The following NINJ2 variants were observed in gnomAD, a reference collection of about 807,000 sequenced individuals.
NINJ2 encodes the protein ninjurin 2.
Under a neutral mutation model 11.7 loss-of-function variants are expected in NINJ2, and 12 were observed. That is an observed-to-expected ratio of 1.02 (90% CI 0.66 to 1.66). The LOEUF (loss-of-function observed/expected upper bound fraction) is 1.66. Ranked by LOEUF, NINJ2 falls within the 40% of genes most tolerant of loss-of-function variation. The probability of loss-of-function intolerance (pLI) is 0.00; values close to 1 mark genes in which losing one functional copy is unlikely to be tolerated. For synonymous variants in NINJ2, 93 were observed against 76.8 expected, an observed-to-expected ratio of 1.21 and a Z score of -1.10; for missense variants, 187 against 181.8, an observed-to-expected ratio of 1.03 and a Z score of -0.16.
chr12:639,504 T>C (rs1424780724), intron 1 of NINJ2, among the ~76,000 whole-genome samples: 2 of 152,092 alleles, frequency 1.3e-5, no homozygotes, highest in African/African-American at 4.8e-5. Context: ...ATTTTGTGTA[T>C]GCCTCAGTGA....
chr12:613,306 C>T (rs775875979), intron 1 of NINJ2, among the ~76,000 whole-genome samples: 7 of 152,228 alleles, frequency 4.6e-5, no homozygotes, highest in African/African-American at 7.2e-5. Context: ...AATCTCATCA[C>T]GCATTTTAAA....
At chr12:599,448 G>A (rs1016563994) in intron 1 of NINJ2, among the ~76,000 whole-genome samples, 1 of 152,094 alleles carries the variant, frequency 6.6e-6, no homozygotes, top group African/African-American at 2.4e-5. Context: ...CTAAATCTTA[G>A]ACATTTGAGG....
intron 1 of NINJ2, among the ~76,000 whole-genome samples, chr12:609,818 A>G (rs1948004542): frequency 6.7e-6 from 1 of 149,134 alleles, no homozygotes; most frequent in Admixed American, 6.7e-5. Flanking sequence ...GCAATAGGGG[A>G]CTTGTCCCAG....
Position 612,857 on chromosome 12 carries a change from G to A in NINJ2, c.34-46679C>T, listed in dbSNP as rs368733356. On this transcript the variant is annotated intron_variant, in intron 1 of 3. Coordinates refer to ENST00000305108, the MANE Select transcript of NINJ2 (RefSeq NM_016533.6). ...ACCCTTGGCACACCGGGTCCTCTCC[G>A]TCACTGCAATCATAGAAGGTCCTGA... Among the ~76,000 whole-genome samples the A allele has an allele frequency of 1.2e-4, 19 of 152,242 alleles. No individual in the cohort carries two copies. The East Asian group carries it at 2.7e-3, about 22-fold the overall frequency.
intron 1 of NINJ2, among the ~76,000 whole-genome samples, chr12:603,590 TA>T (rs1947900349): frequency 1.3e-5 from 2 of 152,242 alleles, no homozygotes; most frequent in Non-Finnish European, 2.9e-5. Context: ...TGGTATGAGG[TA>T]AGAGTCCAAC....
intron 1 of NINJ2, among the ~76,000 whole-genome samples, chr12:596,049 A>G (rs1640573119): frequency 6.6e-6 from 1 of 152,190 alleles, no homozygotes; most frequent in East Asian, 1.9e-4. Flanking sequence ...ATCCTTGTTC[A>G]TTGCTGGTGG....
At chr12:655,980 G>A (rs1937867257) in intron 1 of NINJ2, among the ~76,000 whole-genome samples, 1 of 151,974 alleles carries the variant, frequency 6.6e-6, no homozygotes, top group South Asian at 2.1e-4. Context: ...CCATGTTTAT[G>A]GATAAGAGGA....
chr12:583,953 C>T (rs1390488994), intron 1 of NINJ2, among the ~76,000 whole-genome samples: 6 of 152,052 alleles, frequency 3.9e-5, no homozygotes, highest in African/African-American at 1.4e-4. Flanking sequence ...TGATAGGGTG[C>T]AGACTAAAAT....
intron 1 of NINJ2, among the ~76,000 whole-genome samples, chr12:596,360 G>A (rs1021044942): frequency 6.6e-6 from 1 of 152,138 alleles, no homozygotes; most frequent in Non-Finnish European, 1.5e-5. Context: ...CTGTGTAAAC[G>A]ATAGATGTTG....
chr12:604,758 G>T (rs1213947753), intron 1 of NINJ2, among the ~76,000 whole-genome samples: 1 of 152,194 alleles, frequency 6.6e-6, no homozygotes, highest in African/African-American at 2.4e-5. Context: ...AGGTAGGGAC[G>T]AGGTACAGAC....
At chr12:641,652 G>C (rs949783475) in intron 1 of NINJ2, among the ~76,000 whole-genome samples, 1 of 151,744 alleles carries the variant, frequency 6.6e-6, no homozygotes, top group African/African-American at 2.4e-5. Context: ...AGACCATCCT[G>C]GCTAACAGGG....
At chr12:601,287 C>A (rs1466729902) in intron 1 of NINJ2, among the ~76,000 whole-genome samples, 1 of 152,230 alleles carries the variant, frequency 6.6e-6, no homozygotes, top group East Asian at 1.9e-4. Context: ...TGGCTCACGC[C>A]TGTAATCCCA....
At chr12:600,750 T>G (rs957248256) in intron 1 of NINJ2, among the ~76,000 whole-genome samples, 1 of 151,154 alleles carries the variant, frequency 6.6e-6, no homozygotes, top group Non-Finnish European at 1.5e-5. Context: ...GGTGTCATCA[T>G]AGCTCACGGC....
rs1201713066 is a variant in NINJ2 at position 640,971 on chromosome 12, G to A, written c.33+22357C>T. 1 of 152,216 alleles carries A rather than the reference G, an allele frequency of 6.6e-6. No individual in the cohort carries two copies. The highest frequency in any genetic ancestry group is 2.4e-5 in the African/African-American group (1 of 41,406). The allele number at this position is 152,216 out of a possible 1,614,324, so 9.4% of individuals were successfully genotyped here. A position where few individuals can be genotyped will look rare whatever the true frequency, so the allele number is the denominator to read the frequency against. ...GAAGGCTGCAACTTAAGAGACTGCGGTTAGAAGTGATCTTCATAAATTGTT... is the reference window on the plus strand; with the variant it reads ...GAAGGCTGCAACTTAAGAGACTGCGATTAGAAGTGATCTTCATAAATTGTT... On this transcript the variant is annotated intron_variant, in intron 1 of 3. Transcript: ENST00000305108. The surrounding 1 kb of genome is among the most constrained non-coding windows in gnomAD (Gnocchi z 4.0).
chr12:632,444 G>A (rs1948295346), intron 1 of NINJ2: 1 of 152,214 alleles, frequency 6.6e-6, no homozygotes, highest in Admixed American at 6.5e-5. Context: ...GCTCCATTCA[G>A]GCCATTCTTC....
chr12:648,094 T>A (rs1265061036), intron 1 of NINJ2, among the ~76,000 whole-genome samples: 1 of 152,156 alleles, frequency 6.6e-6, no homozygotes, highest in African/African-American at 2.4e-5. Flanking sequence ...TTTTTTTGGA[T>A]GGAATTTCAC....
intron 1 of NINJ2, among the ~76,000 whole-genome samples, chr12:613,777 C>T (rs976690367): frequency 9.2e-5 from 14 of 151,956 alleles, no homozygotes; most frequent in South Asian, 6.2e-4. Context: ...TGGTGGCGGG[C>T]GCCTGTAGTC....
intron 1 of NINJ2, among the ~76,000 whole-genome samples, chr12:612,201 G>T (rs1948040570): frequency 6.6e-6 from 1 of 152,174 alleles, no homozygotes; most frequent in Non-Finnish European, 1.5e-5. Flanking sequence ...TGGACTGTCT[G>T]CACGCAGACT....
rs1317036083 is a variant in NINJ2 at position 577,430 on chromosome 12, CATATATATATATAA to C, written c.34-11266_34-11253del. Reference sequence around the variant, plus strand: ...AACACTAGTCTCATATATATATATACATATATATATATAAATATTTTGGCACGATCTTGGCTCAC... The same window carrying C: ...AACACTAGTCTCATATATATATATACATATTTTGGCACGATCTTGGCTCAC... On this transcript the variant is annotated intron_variant, in intron 1 of 3. Transcript: ENST00000305108. Among the ~76,000 whole-genome samples the C allele has an allele frequency of 5.1e-4, 48 of 94,006 alleles. 3 individuals carry two copies. In the South Asian group the frequency reaches 6.6e-3, roughly 13 times the overall value. The allele number at this position is 94,006 out of a possible 152,430, so 61.7% of individuals were successfully genotyped here. A position where few individuals can be genotyped will look rare whatever the true frequency, so the allele number is the denominator to read the frequency against.
Sources: gnomAD v4.1 joint callset for allele counts (sites outside exome capture counted in the v4.1 genomes callset) on GRCh38, gnomAD v4.1.1 for gene constraint, Gnocchi (gnomAD v3.1) non-coding constraint, MANE v1.5 for transcripts, NCBI Gene and HGNC (gene_info 2026-07-23, HGNC 2026-07-21) for gene names.